The following RGPD8 variants were observed in gnomAD, a reference collection of about 807,000 sequenced individuals.
RGPD8 encodes RANBP2-like and GRIP domain-containing protein 8.
In RGPD8, 15 loss-of-function variants were observed where a neutral mutation model predicts 89.1. The ratio of observed to expected loss-of-function variants is 0.17; its 90% CI spans 0.11 to 0.26. RGPD8 has a LOEUF of 0.26. Among genes scored for constraint, RGPD8 ranks in the 10% least tolerant of loss-of-function variants. The pLI is 1.00. For synonymous variants in RGPD8, 62 were observed against 420.9 expected (o/e 0.15, Z 10.44); for missense variants, 178 against 1,179.6 (o/e 0.15, Z 12.44).
chr2:112,387,378 G>A (rs890715723), intron 20 of RGPD8, among the ~76,000 whole-genome samples: 5 of 138,310 alleles, frequency 3.6e-5, no homozygotes, highest in African/African-American at 1.3e-4. Context: ...TTTTTTTGGA[G>A]ACAAAGTCTC....
At chr2:112,432,805 C>A (rs1442575817) in intron 1 of RGPD8, among the ~76,000 whole-genome samples, 1 of 152,202 alleles carries the variant, frequency 6.6e-6, no homozygotes, top group Non-Finnish European at 1.5e-5. Flanking sequence ...CGCCAAAGGT[C>A]TCCCGCCCGC....
chr2:112,387,344 T>C (rs1452433576), intron 20 of RGPD8, among the ~76,000 whole-genome samples: 2 of 121,036 alleles, frequency 1.7e-5, no homozygotes, highest in Non-Finnish European at 3.6e-5. Context: ...AATATCATGT[T>C]TTTTTTTGTT....
intron 4 of RGPD8, among the ~76,000 whole-genome samples, chr2:112,420,157 A>G (rs1679524526): frequency 7.8e-6 from 1 of 128,424 alleles, no homozygotes; most frequent in African/African-American, 3.1e-5. Flanking sequence ...GCAACAGAGC[A>G]AGACTCTGTC....
At chr2:112,417,138 T>G in intron 6 of RGPD8, 55 bp downstream of exon 6, 1 of 1,607,930 alleles carries the variant, frequency 6.2e-7, no homozygotes, top group East Asian at 2.2e-5. Flanking sequence ...ATGAACTTAC[T>G]GCAAAAAGAA....
At chr2:112,402,607 T>G (rs1678912431) in intron 9 of RGPD8, among the ~76,000 whole-genome samples, 2 of 148,942 alleles carry the variant, frequency 1.3e-5, no homozygotes, top group Non-Finnish European at 3.0e-5. Flanking sequence ...TTAAAGATGT[T>G]CATGTCCTTT....
chr2:112,410,933 A>C (rs1384394616), intron 7 of RGPD8, among the ~76,000 whole-genome samples: 1 of 152,230 alleles, frequency 6.6e-6, no homozygotes, highest in Non-Finnish European at 1.5e-5. Flanking sequence ...TAAAAACACA[A>C]AATTAGATGG....
intron 1 of RGPD8, among the ~76,000 whole-genome samples, chr2:112,430,037 A>G (rs1216257077): frequency 2.0e-5 from 3 of 152,222 alleles, no homozygotes; most frequent in African/African-American, 7.2e-5. Flanking sequence ...TCGGCCTCCC[A>G]AAGTGCTCGG....
At chr2:112,391,215 T>C (rs1171793035) in intron 18 of RGPD8, 146 bp from the exon 19 acceptor site, 1 of 599,712 alleles carries the variant, frequency 1.7e-6, no homozygotes, top group African/African-American at 1.9e-5. Flanking sequence ...TACATCAAAA[T>C]ACACCAATCA....
intron 22 of RGPD8, among the ~76,000 whole-genome samples, chr2:112,370,643 T>C (rs1229238312): frequency 1.0e-4 from 14 of 138,430 alleles, no homozygotes; most frequent in African/African-American, 3.2e-4. Flanking sequence ...AGTGTTGGGA[T>C]TGCAGTCACG....
At chr2:112,428,844 T>G (rs1299191282) in intron 1 of RGPD8, among the ~76,000 whole-genome samples, 1 of 150,796 alleles carries the variant, frequency 6.6e-6, no homozygotes, top group African/African-American at 2.4e-5. Context: ...AAGCAATTAT[T>G]CAGTCCAGGA....
At chr2:112,410,884 A>C (rs577409742) in intron 7 of RGPD8, among the ~76,000 whole-genome samples, 369 of 151,550 alleles carry the variant, frequency 2.4e-3, no homozygotes, top group South Asian at 0.012. Context: ...TCAGGAGCTC[A>C]AGACCAGCCT....
At chr2:112,431,675 C>T (rs866905595) in intron 1 of RGPD8, among the ~76,000 whole-genome samples, 12 of 148,738 alleles carry the variant, frequency 8.1e-5, no homozygotes, top group African/African-American at 2.5e-4. Context: ...CTCCCTCTGT[C>T]GCCCAGGCTG....
At chr2:112,430,976 G>C (rs138639707) in intron 1 of RGPD8, among the ~76,000 whole-genome samples, 1,753 of 152,194 alleles carry the variant, frequency 0.012, 38 homozygotes, top group African/African-American at 0.039. Context: ...ATAATGGCCG[G>C]TGCAGTGGCT....
chr2:112,370,185 G>C lies in RGPD8; in HGVS notation c.5291C>G (p.Ser1764Cys). 4 of 1,547,230 alleles carry C rather than the reference G, an allele frequency of 2.6e-6. No homozygotes were observed. Among genetic ancestry groups the C allele is most frequent in the Non-Finnish European group, 3.5e-6 (4 of 1,137,092 alleles). ...QDEEENPSRS[S>C]G ...ACTACGAAGATAGGATGCTCATCCA[G>C]AAGAACGGGAAGGATTTTCTTCCTC... The change falls in exon 23 of 23, where the codon TCT (serine) becomes TGT (cysteine). Residue 1764 changes from serine (S) to cysteine (C), a missense_variant. By Grantham distance (112) the Ser-to-Cys change is moderately radical. Coordinates refer to ENST00000302558, the MANE Select transcript of RGPD8 (RefSeq NM_001164463.1).
At chr2:112,429,698 T>A (rs1679941284) in intron 1 of RGPD8, among the ~76,000 whole-genome samples, 1 of 152,136 alleles carries the variant, frequency 6.6e-6, no homozygotes, top group South Asian at 2.1e-4. Flanking sequence ...TCAAGTAGAC[T>A]TTGAGAAGTA....
chr2:112,430,046 G>A (rs1349558662), intron 1 of RGPD8, among the ~76,000 whole-genome samples: 1 of 152,070 alleles, frequency 6.6e-6, no homozygotes, highest in Admixed American at 6.6e-5. Flanking sequence ...CAAAGTGCTC[G>A]GATTACAGAC....
chr2:112,424,063 G>A (rs1488261054), intron 2 of RGPD8, among the ~76,000 whole-genome samples, 177 bp downstream of exon 2: 3 of 152,194 alleles, frequency 2.0e-5, no homozygotes, highest in Admixed American at 2.0e-4. Context: ...ACTAATTGCA[G>A]TTTCAATCTC....
intron 1 of RGPD8, among the ~76,000 whole-genome samples, chr2:112,433,156 C>G (rs1372455098): frequency 7.7e-6 from 1 of 130,372 alleles, no homozygotes; most frequent in African/African-American, 2.8e-5. Context: ...GAGGCCGCCG[C>G]CTCAACAGAG....
At chr2:112,431,386 C>T (rs929175971) in intron 1 of RGPD8, among the ~76,000 whole-genome samples, 6 of 152,202 alleles carry the variant, frequency 3.9e-5, no homozygotes, top group Admixed American at 6.5e-5. Context: ...GAAATTACAA[C>T]GTACAAGTAG....
Sources: allele counts gnomAD v4.1 joint callset (sites outside exome capture counted in the v4.1 genomes callset), GRCh38; gene constraint gnomAD v4.1.1; transcripts MANE v1.5; gene names NCBI Gene and HGNC (gene_info 2026-07-23, HGNC 2026-07-21).